Variants in CERS6 observed in about 807,000 individuals in gnomAD.
The protein encoded by CERS6 is LAG1 homolog, ceramide synthase 6.
In CERS6, 26 loss-of-function variants were observed where a neutral mutation model predicts 56.8. The ratio of observed to expected loss-of-function variants is 0.46; its 90% confidence interval spans 0.34 to 0.63. The LOEUF (loss-of-function observed/expected upper bound fraction) is 0.63. Ranked by LOEUF, CERS6 falls within the 30% of genes least tolerant of loss-of-function variation. The pLI is 0.01. For synonymous variants in CERS6, 164 were observed against 173.3 expected (o/e 0.95, Z 0.42); for missense variants, 415 against 467.5 (o/e 0.89, Z 1.04).
chr2:168,511,004 C>T lies in CERS6; in HGVS notation c.171-36592C>T, dbSNP rs369218564. Among the ~76,000 whole-genome samples the T allele has an allele frequency of 2.4e-4, 36 of 152,236 alleles. No homozygotes were observed. The East Asian group carries it at 2.7e-3, about 11-fold the overall frequency. ...AACCTGTCTTGTGTGGATATAGCAC[C>T]CTCACTGTTTATCACTTTGCTGTAA... On this transcript the variant is annotated intron_variant, in intron 1 of 9. Transcript: ENST00000305747.
chr2:168,460,274 A>G (rs1693755331), intron 1 of CERS6, among the ~76,000 whole-genome samples: 1 of 151,368 alleles, frequency 6.6e-6, no homozygotes, highest in Non-Finnish European at 1.5e-5. Flanking sequence ...GGCTCACTGC[A>G]ACCTCCACCT....
chr2:168,487,448 A>G (rs1694295311), intron 1 of CERS6, among the ~76,000 whole-genome samples: 1 of 152,234 alleles, frequency 6.6e-6, no homozygotes, highest in Non-Finnish European at 1.5e-5. Flanking sequence ...CAAAATATTA[A>G]TTGGAAGGAC....
intron 2 of CERS6, among the ~76,000 whole-genome samples, chr2:168,550,809 C>T (rs1695556858): frequency 6.6e-6 from 1 of 152,210 alleles, no homozygotes; most frequent in African/African-American, 2.4e-5. Flanking sequence ...ACCACATGCA[C>T]TGGGGTAGCT....
At chr2:168,477,369 C>T (rs1385420654) in intron 1 of CERS6, among the ~76,000 whole-genome samples, 1 of 152,104 alleles carries the variant, frequency 6.6e-6, no homozygotes, top group Non-Finnish European at 1.5e-5. Flanking sequence ...CCATGTGTCT[C>T]TACATTTTAT....
At chr2:168,566,556 C>G (rs1234502849) in intron 3 of CERS6, among the ~76,000 whole-genome samples, 1 of 152,140 alleles carries the variant, frequency 6.6e-6, no homozygotes, top group Admixed American at 6.5e-5. Flanking sequence ...TGCCTTCATG[C>G]TACTAACTTG....
intron 1 of CERS6, among the ~76,000 whole-genome samples, chr2:168,506,498 T>C (rs888302745): frequency 1.3e-5 from 2 of 152,192 alleles, no homozygotes; most frequent in African/African-American, 4.8e-5. Flanking sequence ...AATGAGCTGA[T>C]AAACACTGGG....
chr2:168,659,659 T>TA (rs1685578210), intron 4 of CERS6, among the ~76,000 whole-genome samples: 8 of 152,130 alleles, frequency 5.3e-5, no homozygotes, highest in Non-Finnish European at 1.0e-4. Flanking sequence ...ATAACACCCG[T>TA]TTGATCATAT....
At chr2:168,711,442 T>C (rs886336847) in intron 6 of CERS6, among the ~76,000 whole-genome samples, 6 of 152,186 alleles carry the variant, frequency 3.9e-5, no homozygotes, top group Admixed American at 3.9e-4. Flanking sequence ...AGTCTCTTAA[T>C]TGTATAGATA....
chr2:168,497,791 A>G (rs181916674), intron 1 of CERS6, among the ~76,000 whole-genome samples: 9 of 152,298 alleles, frequency 5.9e-5, no homozygotes, highest in Admixed American at 1.3e-4. Flanking sequence ...CAATTGAGTG[A>G]CATGAGCTTC....
intron 8 of CERS6, among the ~76,000 whole-genome samples, chr2:168,764,431 G>A (rs574483651): frequency 2.0e-5 from 3 of 152,094 alleles, no homozygotes; most frequent in African/African-American, 4.8e-5. Flanking sequence ...CATGAGCCAC[G>A]GCACCCAGAC....
At chr2:168,688,955 G>A (rs1460396049) in intron 4 of CERS6, among the ~76,000 whole-genome samples, 1 of 152,148 alleles carries the variant, frequency 6.6e-6, no homozygotes, top group East Asian at 1.9e-4. Flanking sequence ...CACAAAGGAA[G>A]GGAAGTTCTG....
intron 6 of CERS6, among the ~76,000 whole-genome samples, chr2:168,698,148 T>C (rs969694636): frequency 1.4e-5 from 2 of 145,068 alleles, no homozygotes; most frequent in Admixed American, 1.4e-4. Flanking sequence ...ATACAAAATT[T>C]AGCCAGATAT....
intron 2 of CERS6, among the ~76,000 whole-genome samples, chr2:168,548,905 T>TA (rs1193876502): frequency 6.6e-6 from 1 of 152,206 alleles, no homozygotes; most frequent in Non-Finnish European, 1.5e-5. Flanking sequence ...TGATGGTTTT[T>TA]ATGGGGTAAT....
intron 1 of CERS6, among the ~76,000 whole-genome samples, chr2:168,478,424 T>G (rs1694118268): frequency 6.6e-6 from 1 of 152,210 alleles, no homozygotes; most frequent in African/African-American, 2.4e-5. Flanking sequence ...ACCAGTATCC[T>G]GTTCCAGCTG....
intron 4 of CERS6, among the ~76,000 whole-genome samples, chr2:168,657,464 T>C (rs1011568770): frequency 6.9e-4 from 105 of 152,342 alleles, no homozygotes; most frequent in African/African-American, 2.1e-3. Context: ...GGGTGGTCGA[T>C]GGGACTGGGC....
intron 3 of CERS6, among the ~76,000 whole-genome samples, chr2:168,563,566 G>A (rs1262584746): frequency 6.6e-6 from 1 of 152,198 alleles, no homozygotes; most frequent in African/African-American, 2.4e-5. Flanking sequence ...TGGAGGCCGA[G>A]GCGGGCGGAT....
At chr2:168,657,396 G>C (rs941356559) in intron 4 of CERS6, among the ~76,000 whole-genome samples, 1 of 152,270 alleles carries the variant, frequency 6.6e-6, no homozygotes, top group African/African-American at 2.4e-5. Context: ...CCCGCACCGG[G>C]GCTGCAGGTG....
chr2:168,652,596 A>T (rs1340673569), intron 4 of CERS6, among the ~76,000 whole-genome samples: 1 of 151,710 alleles, frequency 6.6e-6, no homozygotes, highest in Non-Finnish European at 1.5e-5. Context: ...AAAAGGAAAA[A>T]TTAATGAATT....
At chr2:168,484,174 T>G (rs1318606344) in intron 1 of CERS6, among the ~76,000 whole-genome samples, 8 of 87,846 alleles carry the variant, frequency 9.1e-5, no homozygotes, top group African/African-American at 3.6e-4. Flanking sequence ...TCTGTTTTTT[T>G]TTTTTTTTTT....
Sources: allele counts gnomAD v4.1 joint callset (sites outside exome capture counted in the v4.1 genomes callset), GRCh38; gene constraint gnomAD v4.1.1; transcripts MANE v1.5; gene names NCBI Gene and HGNC (gene_info 2026-07-23, HGNC 2026-07-21).